The following DCUN1D1 variants were observed in gnomAD, a reference collection of about 807,000 sequenced individuals.
DCUN1D1 encodes the protein defective in cullin neddylation 1 domain containing 1, also known as DCN1-like protein 1.
Under a neutral mutation model 39.0 loss-of-function variants are expected in DCUN1D1, and 3 were observed. That is an observed-to-expected ratio of 0.08 (90% CI 0.04 to 0.20). The LOEUF (loss-of-function observed/expected upper bound fraction) is 0.20, where lower values mean the gene tolerates loss of function less well. Among genes scored for constraint, DCUN1D1 ranks in the 10% least tolerant of loss-of-function variants. The pLI is 1.00. For synonymous variants in DCUN1D1, 82 were observed against 96.3 expected (o/e 0.85, Z 0.87); for missense variants, 158 against 302.4 (o/e 0.52, Z 3.54).
Position 182,938,339 on chromosome 3 carries a change from T to C in DCUN1D1, c.*6755A>G, listed in dbSNP as rs1725984329. ...GATGTATGCAATGTAGGAATCTTAT[T>C]TGAATCCTGACTTGAATTGGAAAAA... On this transcript the variant is annotated 3_prime_UTR_variant, in exon 7 of 7. Coordinates refer to ENST00000292782, the MANE Select transcript of DCUN1D1 (RefSeq NM_020640.4). 6.6e-6 allele frequency: 1 copy of C among 151,948 alleles called. No homozygotes were observed. The highest frequency in any genetic ancestry group is 2.1e-4 in the South Asian group (1 of 4,798). 9.4% of individuals were successfully genotyped at this position (151,948 alleles called of 1,614,324 possible).
intron 3 of DCUN1D1, among the ~76,000 whole-genome samples, chr3:182,963,246 T>C (rs1009969327): frequency 1.3e-4 from 20 of 152,140 alleles, no homozygotes; most frequent in Non-Finnish European, 1.9e-4. Context: ...TGTGAAGAGG[T>C]AGGAGAAGTA....
At chr3:182,969,569 C>T (rs1331076162) in intron 1 of DCUN1D1, among the ~76,000 whole-genome samples, 1 of 152,058 alleles carries the variant, frequency 6.6e-6, no homozygotes, top group African/African-American at 2.4e-5. Context: ...TATTTAAATA[C>T]TTATTTAAAG....
intron 1 of DCUN1D1, among the ~76,000 whole-genome samples, chr3:182,979,565 G>A (rs926106920): frequency 6.6e-6 from 1 of 150,474 alleles, no homozygotes; most frequent in Non-Finnish European, 1.5e-5. Context: ...TAAACAACTC[G>A]ACCACAAGGG....
upstream of DCUN1D1, chr3:182,980,624 G>A: frequency 1.9e-6 from 2 of 1,037,564 alleles, no homozygotes; most frequent in East Asian, 7.3e-5. Context: ...CGCGGCCCGA[G>A]GAGGCAGCCC....
Position 182,938,885 on chromosome 3 carries a change from T to C in DCUN1D1, c.*6209A>G, listed in dbSNP as rs999756663. On this transcript the variant is annotated 3_prime_UTR_variant, in exon 7 of 7. Coordinates refer to ENST00000292782, the MANE Select transcript of DCUN1D1 (RefSeq NM_020640.4). The stretch of plus-strand genomic sequence containing the variant: ...ACCAGTCAGTCATAGGCTAGTCGAG[T>C]AGCTGTATCAACCTTGGTACAAACA... 4.6e-4 allele frequency: 70 copies of C among 152,244 alleles called. No homozygotes were observed. The highest frequency in any genetic ancestry group is 9.7e-4 in the Non-Finnish European group (66 of 68,030). 9.4% of individuals were successfully genotyped at this position (152,244 alleles called of 1,614,324 possible).
chr3:182,945,032 T>C lies in DCUN1D1; in HGVS notation c.*62A>G. Reference sequence around the variant, plus strand: ...TTCAGTCCAGCCAGCAGAAATTGACTGTGCAATTTTCTGTTGTATTTATTG... The same window carrying C: ...TTCAGTCCAGCCAGCAGAAATTGACCGTGCAATTTTCTGTTGTATTTATTG... On this transcript the variant is annotated 3_prime_UTR_variant, in exon 7 of 7. Transcript: ENST00000292782. 1 of 1,377,170 alleles carries C rather than the reference T, an allele frequency of 7.3e-7. No individual in the cohort carries two copies. The highest frequency in any genetic ancestry group is 1.2e-5 in the South Asian group (1 of 84,722). 85.3% of individuals were successfully genotyped at this position (1,377,170 alleles called of 1,614,324 possible).
intron 2 of DCUN1D1, among the ~76,000 whole-genome samples, chr3:182,965,171 A>G (rs759159913): frequency 5.9e-5 from 9 of 152,212 alleles, no homozygotes; most frequent in Non-Finnish European, 1.3e-4. Flanking sequence ...ACCTTTTCTT[A>G]TTCACCTATT....
At chr3:182,972,050 G>GTTTT (rs397877483) in intron 1 of DCUN1D1, among the ~76,000 whole-genome samples, 4 of 108,842 alleles carry the variant, frequency 3.7e-5, no homozygotes, top group Admixed American at 1.0e-4. Flanking sequence ...TCTATTTAGG[G>GTTTT]TTTTTTTTTT....
intron 4 of DCUN1D1, among the ~76,000 whole-genome samples, chr3:182,955,088 T>C (rs1016917667): frequency 2.0e-5 from 3 of 151,962 alleles, no homozygotes; most frequent in Admixed American, 6.6e-5. Flanking sequence ...CTGTCCAAAA[T>C]GGAGTGCAAT....
At position 182,968,755 on chromosome 3, in the gene DCUN1D1, G is replaced by A. The variant is rs115431738; in HGVS notation, c.4-3002C>T. Among the ~76,000 whole-genome samples, 1,009 of 152,102 alleles carry A rather than the reference G, an allele frequency of 6.6e-3. 11 individuals carry two copies. The highest frequency in any genetic ancestry group is 0.023 in the African/African-American group (940 of 41,496). On this transcript the variant is annotated intron_variant, in intron 1 of 6. Coordinates refer to ENST00000292782, the MANE Select transcript of DCUN1D1 (RefSeq NM_020640.4). ...GCTGGGATTACAGGCACGCACTGCT[G>A]CGCCCAGCTGATTTTTGTATTTTTA...
intron 4 of DCUN1D1, chr3:182,956,171 A>C (rs552932314): frequency 4.5e-6 from 1 of 221,688 alleles, no homozygotes; most frequent in East Asian, 1.1e-4. Context: ...CAAGTGATCC[A>C]CCCACCTCAG....
intron 6 of DCUN1D1, among the ~76,000 whole-genome samples, chr3:182,946,502 A>C (rs2108621630): frequency 7.1e-6 from 1 of 140,348 alleles, no homozygotes; most frequent in Non-Finnish European, 1.5e-5. Context: ...GGTTGCAGTG[A>C]GCTGAGACTG....
chr3:182,958,492 G>A (rs551943257), intron 4 of DCUN1D1, among the ~76,000 whole-genome samples: 1 of 152,146 alleles, frequency 6.6e-6, no homozygotes, highest in South Asian at 2.1e-4. Context: ...ACACTGTATG[G>A]CTGTGGGGGG....
In DCUN1D1 at chr3:182,943,344, T is replaced by C. The variant is rs1726233111; in HGVS notation, c.*1750A>G. The C allele has an allele frequency of 6.6e-6, 1 of 152,020 alleles. No individual in the cohort carries two copies. The highest frequency in any genetic ancestry group is 2.4e-5 in the African/African-American group (1 of 41,340). The allele number at this position is 152,020 out of a possible 1,614,324, so 9.4% of individuals were successfully genotyped here. ...GAAATACTGAAAGCAGCAAGATTCT[T>C]CTTTTTCCTTTTTCTTTTAATAACC... On this transcript the variant is annotated 3_prime_UTR_variant, in exon 7 of 7. Transcript: ENST00000292782.
At chr3:182,960,472 G>A (rs984261692) in intron 4 of DCUN1D1, among the ~76,000 whole-genome samples, 1 of 152,006 alleles carries the variant, frequency 6.6e-6, no homozygotes, top group African/African-American at 2.4e-5. Flanking sequence ...CTTCTCACTG[G>A]AACATCTTTT....
chr3:182,947,717 T>C lies in DCUN1D1; in HGVS notation c.521-85A>G, dbSNP rs918049353. On this transcript the variant is annotated intron_variant, in intron 4 of 6. Transcript: ENST00000292782. ...TAACAAACAAACAAAAAAACAGGTA[T>C]GACCAAAGAAAGTCTAAAAATAAAA... 7 of 800,310 alleles carry C rather than the reference T, an allele frequency of 8.7e-6. No individual in the cohort carries two copies. The African/African-American group carries it at 1.1e-4, about 12-fold the overall frequency. The allele number at this position is 800,310 out of a possible 1,614,324, so 49.6% of individuals were successfully genotyped here.
chr3:182,981,734 A>G (rs1197012145), upstream of DCUN1D1, among the ~76,000 whole-genome samples: 1 of 152,244 alleles, frequency 6.6e-6, no homozygotes, highest in Non-Finnish European at 1.5e-5. Context: ...TCTTACCAAA[A>G]CAACAGAACT....
At chr3:182,980,132 G>A in intron 1 of DCUN1D1, 2 of 931,872 alleles carry the variant, frequency 2.1e-6, no homozygotes, top group Non-Finnish European at 1.3e-6. Flanking sequence ...AGAGGGGCAG[G>A]GGCAAGGCCG....
chr3:182,974,122 CAT>C (rs1361950639), intron 1 of DCUN1D1, among the ~76,000 whole-genome samples: 1 of 150,340 alleles, frequency 6.7e-6, no homozygotes, highest in Non-Finnish European at 1.5e-5. Context: ...CATGGTGGCA[CAT>C]GTCTGTAATC....
Sources: allele counts gnomAD v4.1 joint callset (sites outside exome capture counted in the v4.1 genomes callset), GRCh38; gene constraint gnomAD v4.1.1; transcripts MANE v1.5; gene names NCBI Gene and HGNC (gene_info 2026-07-23, HGNC 2026-07-21).